PTPRT: variants seen among roughly 807,000 people sequenced by gnomAD.
The protein encoded by PTPRT is receptor-type tyrosine-protein phosphatase T.
A neutral mutation model predicts 176.8 loss-of-function variants in PTPRT; 56 were observed. That is an observed-to-expected ratio of 0.32 (90% CI 0.26 to 0.40). The LOEUF (loss-of-function observed/expected upper bound fraction) is 0.40, where lower values mean the gene tolerates loss of function less well. Among genes scored for constraint, PTPRT ranks in the 10% least tolerant of loss-of-function variants. The probability of loss-of-function intolerance (pLI) is 1.00; values close to 1 mark genes in which losing one functional copy is unlikely to be tolerated. For missense variants in PTPRT, 1,540 were observed against 1,908.2 expected, an observed-to-expected ratio of 0.81 and a Z score of 3.60; for synonymous variants, 783 against 739.0, an observed-to-expected ratio of 1.06 and a Z score of -0.96.
intron 2 of PTPRT, among the ~76,000 whole-genome samples, chr20:42,843,292 C>A (rs749779428): frequency 1.3e-5 from 2 of 152,186 alleles, no homozygotes; most frequent in Non-Finnish European, 2.9e-5. Context: ...ATGCCACACC[C>A]GGCCTTCGTA....
chr20:42,697,618 C>T (rs2075902711), intron 6 of PTPRT, among the ~76,000 whole-genome samples: 1 of 152,170 alleles, frequency 6.6e-6, no homozygotes, highest in African/African-American at 2.4e-5. Context: ...AATGTTCCAG[C>T]ACGTGAAGCA....
chr20:42,104,681 G>T lies in PTPRT; in HGVS notation c.3428C>A (p.Ala1143Glu). 1 of 1,590,182 alleles carries T rather than the reference G, an allele frequency of 6.3e-7. No individual in the cohort carries two copies. Among genetic ancestry groups the T allele is most frequent in the Non-Finnish European group, 8.6e-7 (1 of 1,158,072 alleles). ...YVFVHDAILE[A>E]CLCGNTAIPV... ...GATGGCAGTGTTGCCACAGAGGCAC[G>T]CTTCCAGGATGGCATCGTGCACAAA... Residue 1143 changes from alanine (A) to glutamate (E), a missense_variant, in exon 25 of 31, where the codon GCG becomes GAG. By Grantham distance (107) the Ala-to-Glu change is moderately radical (BLOSUM62 -1). Around this residue, in one of 11 missense-constraint regions of PTPRT, gnomAD observed 248 missense variants for 356.7 expected, o/e 0.70. Coordinates refer to ENST00000373187, the MANE Select transcript of PTPRT (RefSeq NM_007050.6).
chr20:42,093,481 G>T lies in PTPRT; in HGVS notation c.3846+4940C>A, dbSNP rs181869965. 1.9e-3 allele frequency among the ~76,000 whole-genome samples: 289 copies of T among 152,246 alleles called. 2 individuals are homozygous for T. The highest frequency in any genetic ancestry group is 3.0e-3 in the Non-Finnish European group (201 of 68,014). The stretch of plus-strand genomic sequence containing the variant: ...CCACTGCAGGAATGAAAGAAAATTT[G>T]GGGCTGACTAAATGAAGTAGTGTAA... On this transcript the variant is annotated intron_variant, in intron 27 of 30. Transcript: ENST00000373187.
chr20:42,759,830 T>TCCA (rs1209784214), intron 5 of PTPRT, among the ~76,000 whole-genome samples: 1 of 152,206 alleles, frequency 6.6e-6, no homozygotes, highest in African/African-American at 2.4e-5. Context: ...GCCCTCTGAT[T>TCCA]CCACGAGTCA....
chr20:42,895,800 A>G (rs141391386), intron 1 of PTPRT, among the ~76,000 whole-genome samples: 1 of 152,356 alleles, frequency 6.6e-6, no homozygotes, highest in East Asian at 1.9e-4. Flanking sequence ...TTTGTGGGCT[A>G]TATAAAAACC....
intron 27 of PTPRT, among the ~76,000 whole-genome samples, chr20:42,092,318 C>A (rs1166582103): frequency 6.6e-6 from 1 of 152,210 alleles, no homozygotes; most frequent in African/African-American, 2.4e-5. Context: ...GAGAAGACAA[C>A]CCCCTCAGAA....
chr20:42,982,511 C>T (rs894750677), intron 1 of PTPRT, among the ~76,000 whole-genome samples: 15 of 152,104 alleles, frequency 9.9e-5, no homozygotes, highest in Admixed American at 7.2e-4. Context: ...AAGATCTAAG[C>T]GTATAAAAAA....
intron 17 of PTPRT, among the ~76,000 whole-genome samples, chr20:42,143,847 A>T (rs1322919732): frequency 6.6e-6 from 1 of 152,226 alleles, no homozygotes; most frequent in South Asian, 2.1e-4. Flanking sequence ...ACTGTGGGCA[A>T]CTGGGGCCTA....
chr20:43,151,955 C>G (rs1430421015), intron 1 of PTPRT, among the ~76,000 whole-genome samples: 1 of 152,096 alleles, frequency 6.6e-6, no homozygotes, highest in Non-Finnish European at 1.5e-5. Flanking sequence ...GAAGGCTGAG[C>G]TCAGGAAGCC....
chr20:43,128,605 A>C (rs1035652116), intron 1 of PTPRT, among the ~76,000 whole-genome samples: 8 of 152,222 alleles, frequency 5.3e-5, no homozygotes, highest in Non-Finnish European at 7.3e-5. Flanking sequence ...CAATGAGAAG[A>C]GGTTTCCTAA....
At chr20:42,953,999 C>T (rs568297409) in intron 1 of PTPRT, among the ~76,000 whole-genome samples, 1 of 152,186 alleles carries the variant, frequency 6.6e-6, no homozygotes, top group East Asian at 1.9e-4. Context: ...TATATCACAG[C>T]CTGGGAGATA....
At chr20:42,710,278 G>C (rs1172821980) in intron 6 of PTPRT, among the ~76,000 whole-genome samples, 1 of 152,190 alleles carries the variant, frequency 6.6e-6, no homozygotes, top group Non-Finnish European at 1.5e-5. Context: ...TGGGGGAAAG[G>C]CCTTAAATCC....
In PTPRT at chr20:42,480,824, T is replaced by C. The variant is rs62204935; in HGVS notation, c.1154-8262A>G. Among the ~76,000 whole-genome samples the C allele has an allele frequency of 7.8e-3, 1,192 of 152,276 alleles. 11 individuals are homozygous for C. The highest frequency in any genetic ancestry group is 0.014 in the Middle Eastern group (4 of 294). On this transcript the variant is annotated intron_variant, in intron 7 of 30. Coordinates refer to ENST00000373187, the MANE Select transcript of PTPRT (RefSeq NM_007050.6). The stretch of plus-strand genomic sequence containing the variant: ...AACGATTCCCCAACAACTGCATTAT[T>C]AGATGATAATAAAAGCAAGCCTTAG...
intron 2 of PTPRT, among the ~76,000 whole-genome samples, chr20:42,856,006 C>A (rs148649083): frequency 6.6e-6 from 1 of 151,984 alleles, no homozygotes. Context: ...GAAAAACAAA[C>A]GACAAAAGTC....
intron 13 of PTPRT, among the ~76,000 whole-genome samples, chr20:42,279,995 A>G (rs1478873927): frequency 7.0e-6 from 1 of 143,164 alleles, no homozygotes; most frequent in African/African-American, 2.6e-5. Flanking sequence ...GAGCCTTGGG[A>G]GAGACTGGTG....
At chr20:43,111,051 A>G (rs181613693) in intron 1 of PTPRT, among the ~76,000 whole-genome samples, 107 of 152,278 alleles carry the variant, frequency 7.0e-4, no homozygotes, top group Middle Eastern at 3.4e-3. Flanking sequence ...AGAAGAAACC[A>G]GAGGCTAGGA....
At chr20:42,162,617 T>C (rs1455322845) in intron 16 of PTPRT, among the ~76,000 whole-genome samples, 2 of 152,214 alleles carry the variant, frequency 1.3e-5, no homozygotes, top group South Asian at 4.1e-4. Flanking sequence ...ATCTTGTTTG[T>C]GGCATGCAAG....
chr20:42,638,814 A>C (rs1288731978), intron 7 of PTPRT, among the ~76,000 whole-genome samples: 2 of 152,162 alleles, frequency 1.3e-5, no homozygotes, highest in Non-Finnish European at 2.9e-5. Flanking sequence ...ATATAGGTTG[A>C]ATTTCAATTT....
rs1215974186 is a variant in PTPRT at position 42,184,633 on chromosome 20, C to CTCCT, written c.2491+14606_2491+14607insAGGA. Among the ~76,000 whole-genome samples the CTCCT allele has an allele frequency of 7.0e-5, 10 of 143,126 alleles. No homozygotes were observed. In the South Asian group the frequency reaches 9.4e-4, roughly 13 times the overall value. The allele number at this position is 143,126 out of a possible 152,430, so 93.9% of individuals were successfully genotyped here. On this transcript the variant is annotated intron_variant, in intron 16 of 30. Transcript: ENST00000373187. ...TCTTCTTCTCCTCCTTCTTCTCCTT[C>CTCCT]TCTCTCTCTCTCTCGATAGAGTTTC...
Sources: allele counts gnomAD v4.1 joint callset (sites outside exome capture counted in the v4.1 genomes callset), GRCh38; gene constraint gnomAD v4.1.1; regional missense constraint gnomAD v4.1.1; transcripts MANE v1.5; gene names NCBI Gene and HGNC (gene_info 2026-07-23, HGNC 2026-07-21).